MED12L: variants seen among roughly 807,000 people sequenced by gnomAD.
MED12L encodes the protein mediator of RNA polymerase II transcription subunit 12-like protein.
In MED12L, 60 loss-of-function variants were observed where a neutral mutation model predicts 281.3. The observed-to-expected ratio is 0.21, with a 90% CI of 0.17 to 0.26. MED12L has a LOEUF of 0.26. Ranked by LOEUF, MED12L falls within the 10% of genes least tolerant of loss-of-function variation. The pLI is 1.00. For missense variants in MED12L, 2,146 were observed against 2,680.9 expected, an observed-to-expected ratio of 0.80 and a Z score of 4.41; for synonymous variants, 974 against 987.2, an observed-to-expected ratio of 0.99 and a Z score of 0.25.
In MED12L at chr3:151,322,554, A is replaced by C. The variant is rs538577594; in HGVS notation, c.2251-27505A>C. Reference sequence around the variant, plus strand: ...TTATGGGAAGATAAGGGTTGCTTCTACTTCCTCACTTCCCATTCACAAACT... The same window carrying C: ...TTATGGGAAGATAAGGGTTGCTTCTCCTTCCTCACTTCCCATTCACAAACT... On this transcript the variant is annotated intron_variant, in intron 16 of 44. Coordinates refer to ENST00000687756, the MANE Select transcript of MED12L (RefSeq NM_001393769.1). Among the ~76,000 whole-genome samples the C allele has an allele frequency of 1.8e-4, 27 of 151,924 alleles. 1 individual carries two copies. In the South Asian group the frequency reaches 5.4e-3, roughly 30 times the overall value.
rs576521674 is a variant in MED12L at position 151,131,090 on chromosome 3, C to T, written c.556+3106C>T. Among the ~76,000 whole-genome samples, 4 of 152,302 alleles carry T rather than the reference C, an allele frequency of 2.6e-5. No individual in the cohort carries two copies. In the South Asian group the frequency reaches 6.2e-4, roughly 24 times the overall value. ...TGTATGTATGTATTTAAAAAAATTT[C>T]TCCCAATTGATAATCCTTGAAACTT... On this transcript the variant is annotated intron_variant, in intron 5 of 44. Coordinates refer to ENST00000687756, the MANE Select transcript of MED12L (RefSeq NM_001393769.1).
At chr3:151,244,059 A>G (rs1489459706) in intron 16 of MED12L, among the ~76,000 whole-genome samples, 2 of 112,626 alleles carry the variant, frequency 1.8e-5, no homozygotes, top group Admixed American at 9.6e-5. Flanking sequence ...TTCAACAAGA[A>G]GAGCTAACTC....
chr3:151,367,620 A>G (rs775938446), intron 23 of MED12L, 26 bp from the exon 24 acceptor site: 7 of 1,590,418 alleles, frequency 4.4e-6, no homozygotes. Context: ...GTTAGGTATT[A>G]AAACCTGTCA....
intron 16 of MED12L, chr3:151,328,088 T>G (rs1749869483): frequency 6.2e-7 from 1 of 1,610,082 alleles, no homozygotes; most frequent in African/African-American, 1.3e-5. Context: ...TTCTGTGAAT[T>G]TTTTACATAA....
chr3:151,395,582 G>C (rs1714856507), intron 39 of MED12L, among the ~76,000 whole-genome samples: 1 of 152,140 alleles, frequency 6.6e-6, no homozygotes, highest in African/African-American at 2.4e-5. Flanking sequence ...TCTAGTTTCT[G>C]TATACTTGTA....
intron 16 of MED12L, among the ~76,000 whole-genome samples, chr3:151,322,848 T>A (rs1447580424): frequency 6.6e-6 from 1 of 152,146 alleles, no homozygotes; most frequent in Admixed American, 6.5e-5. Flanking sequence ...GGGGTTCTCA[T>A]CTCATTCCTT....
intron 3 of MED12L, among the ~76,000 whole-genome samples, chr3:151,118,648 C>CT (rs67417533): frequency 0.02 from 2,752 of 137,420 alleles, 91 homozygotes; most frequent in African/African-American, 0.067. Context: ...ATCTCCAGAA[C>CT]TTTTTTTTTT....
intron 4 of MED12L, among the ~76,000 whole-genome samples, chr3:151,124,574 T>G (rs564262987): frequency 6.6e-6 from 1 of 152,318 alleles, no homozygotes; most frequent in South Asian, 2.1e-4. Context: ...TTCAAATACT[T>G]CTTTAATTTT....
Position 151,387,055 on chromosome 3 carries a change from G to A in MED12L, c.5089-755G>A, listed in dbSNP as rs1713509085. Among the ~76,000 whole-genome samples the A allele has an allele frequency of 2.0e-5, 3 of 152,294 alleles. No homozygotes were observed. In the South Asian group the frequency reaches 6.2e-4, roughly 32 times the overall value. Reference sequence around the variant, plus strand: ...AGCTACTCATAAAAGAATGCATATAGATAACAACAGTAACACTTACATCTT... The same window carrying A: ...AGCTACTCATAAAAGAATGCATATAAATAACAACAGTAACACTTACATCTT... On this transcript the variant is annotated intron_variant, in intron 36 of 44. Transcript: ENST00000687756.
At chr3:151,116,991 T>G (rs143577373) in intron 3 of MED12L, among the ~76,000 whole-genome samples, 1 of 152,216 alleles carries the variant, frequency 6.6e-6, no homozygotes, top group Non-Finnish European at 1.5e-5. Flanking sequence ...AAATATCCTA[T>G]TCTTCAGTAA....
In MED12L at chr3:151,435,244, C is replaced by A. The variant is rs1218405087; in HGVS notation, c.*2440C>A. On this transcript the variant is annotated 3_prime_UTR_variant, in exon 45 of 45. Coordinates refer to ENST00000687756, the MANE Select transcript of MED12L (RefSeq NM_001393769.1). ...AGACCTTGAAATCAAATGGAGTCAGCTATACCTATCAATCAATCACAGTTC... is the reference window on the plus strand; with the variant it reads ...AGACCTTGAAATCAAATGGAGTCAGATATACCTATCAATCAATCACAGTTC... The A allele has an allele frequency of 2.4e-5, 1 of 41,596 alleles. No individual in the cohort carries two copies. The highest frequency in any genetic ancestry group is 2.0e-4 in the Admixed American group (1 of 4,920). The allele number at this position is 41,596 out of a possible 1,614,324, so 2.6% of individuals were successfully genotyped here.
chr3:151,355,457 T>C (rs1248246066), intron 18 of MED12L, among the ~76,000 whole-genome samples: 1 of 152,236 alleles, frequency 6.6e-6, no homozygotes, highest in Non-Finnish European at 1.5e-5. Context: ...CTTATGATAA[T>C]AATCGGTGAC....
At chr3:151,306,256 G>C (rs932826959) in intron 16 of MED12L, among the ~76,000 whole-genome samples, 1 of 152,100 alleles carries the variant, frequency 6.6e-6, no homozygotes, top group Non-Finnish European at 1.5e-5. Context: ...CTTTTCAAAT[G>C]GTTTTTCTTA....
At chr3:151,294,386 G>A in intron 16 of MED12L, 1 of 1,613,934 alleles carries the variant, frequency 6.2e-7, no homozygotes, top group Non-Finnish European at 8.5e-7. Context: ...TTTTTGTGCA[G>A]ATTCATCTAA....
At chr3:151,231,918 T>C (rs995801207) in intron 16 of MED12L, among the ~76,000 whole-genome samples, 1 of 152,230 alleles carries the variant, frequency 6.6e-6, no homozygotes, top group Admixed American at 6.5e-5. Flanking sequence ...CAAAGTGTTA[T>C]GTTTGTATGT....
At chr3:151,239,212 G>T (rs1733576209) in intron 16 of MED12L, among the ~76,000 whole-genome samples, 1 of 152,068 alleles carries the variant, frequency 6.6e-6, no homozygotes, top group Non-Finnish European at 1.5e-5. Context: ...TATAAAATTG[G>T]GCATAAGTAA....
intron 2 of MED12L, among the ~76,000 whole-genome samples, chr3:151,104,573 G>C (rs1422181811): frequency 6.6e-6 from 1 of 152,206 alleles, no homozygotes; most frequent in Non-Finnish European, 1.5e-5. Context: ...AAATGGCCTG[G>C]ATCCTGGTTT....
intron 16 of MED12L, among the ~76,000 whole-genome samples, chr3:151,319,887 A>C (rs984382719): frequency 2.6e-5 from 4 of 152,202 alleles, no homozygotes; most frequent in Non-Finnish European, 5.9e-5. Flanking sequence ...TGATTTTTCA[A>C]AATATATTCT....
chr3:151,119,824 A>C (rs1366880936), intron 3 of MED12L, among the ~76,000 whole-genome samples: 1 of 152,242 alleles, frequency 6.6e-6, no homozygotes, highest in Non-Finnish European at 1.5e-5. Flanking sequence ...AATATGAAAT[A>C]CATGAATTAT....
Sources: gnomAD v4.1 joint callset for allele counts (sites outside exome capture counted in the v4.1 genomes callset) on GRCh38, gnomAD v4.1.1 for gene constraint, MANE v1.5 for transcripts, NCBI Gene and HGNC (gene_info 2026-07-23, HGNC 2026-07-21) for gene names.